The following DSCAM variants were observed in gnomAD, a reference collection of about 807,000 sequenced individuals.
The protein encoded by DSCAM is DS cell adhesion molecule, also known as cell adhesion molecule DSCAM.
In DSCAM, 47 loss-of-function variants were observed where a neutral mutation model predicts 217.7. That is an observed-to-expected ratio of 0.22 (90% CI 0.17 to 0.28). DSCAM has a LOEUF of 0.28. Ranked by LOEUF, DSCAM falls within the 10% of genes least tolerant of loss-of-function variation. DSCAM has a pLI of 1.00. For synonymous variants in DSCAM, 1,056 were observed against 1,015.3 expected (o/e 1.04, Z -0.76); for missense variants, 2,080 against 2,618.3 (o/e 0.79, Z 4.49).
chr21:40,374,194 C>T (rs993615107), intron 3 of DSCAM, among the ~76,000 whole-genome samples: 1 of 152,044 alleles, frequency 6.6e-6, no homozygotes, highest in African/African-American at 2.4e-5. Flanking sequence ...ATGTATATAA[C>T]TTTTCAATTG....
At position 40,169,145 on chromosome 21, in the gene DSCAM, G is replaced by C. The variant is rs73362182; in HGVS notation, c.2948-1857C>G. 2.0e-5 allele frequency among the ~76,000 whole-genome samples: 3 copies of C among 152,112 alleles called. No homozygotes were observed. The East Asian group carries it at 5.8e-4, about 29-fold the overall frequency. On this transcript the variant is annotated intron_variant, in intron 15 of 32. Transcript: ENST00000400454. The stretch of plus-strand genomic sequence containing the variant: ...CAGGCTATGGAGTGAGTGGGGCAAA[G>C]GAACAAATACCTCTGGGATGGGAGG...
At chr21:40,634,693 G>A (rs1034916922) in intron 3 of DSCAM, among the ~76,000 whole-genome samples, 5 of 152,170 alleles carry the variant, frequency 3.3e-5, no homozygotes, top group African/African-American at 4.8e-5. Context: ...AGAAATGTGT[G>A]AACTTCAGTG....
intron 11 of DSCAM, among the ~76,000 whole-genome samples, chr21:40,206,261 G>A (rs1044934979): frequency 1.3e-5 from 2 of 152,334 alleles, no homozygotes; most frequent in South Asian, 2.1e-4. Flanking sequence ...CTAATGACAG[G>A]AACAGGATGT....
intron 3 of DSCAM, among the ~76,000 whole-genome samples, chr21:40,609,498 G>A (rs1303912104): frequency 6.6e-6 from 1 of 152,118 alleles, no homozygotes; most frequent in East Asian, 1.9e-4. Flanking sequence ...ATGATACCTG[G>A]GCTAGGGTTA....
chr21:40,312,228 C>G lies in DSCAM; in HGVS notation c.1915G>C (p.Gly639Arg). 1 of 1,614,114 alleles carries G rather than the reference C, an allele frequency of 6.2e-7. No homozygotes were observed. The highest frequency in any genetic ancestry group is 8.5e-7 in the Non-Finnish European group (1 of 1,180,016). The stretch of plus-strand genomic sequence containing the variant: ...TTGTCAATGGTCACCCCAAGGCTCC[C>G]AGGGATTGGCCGGCCATCCTTCTGC... ...TWQKDGRPIP[G>R]SLGVTIDNID... Residue 639 changes from glycine to arginine, a missense_variant, in exon 9 of 33, where the codon GGG becomes CGG. Coordinates refer to ENST00000400454, the MANE Select transcript of DSCAM (RefSeq NM_001389.5).
intron 3 of DSCAM, among the ~76,000 whole-genome samples, chr21:40,569,689 A>G (rs2076791494): frequency 6.6e-6 from 1 of 152,116 alleles, no homozygotes; most frequent in Admixed American, 6.5e-5. Context: ...CCTGTGGTGG[A>G]CCCTGACTGA....
intron 3 of DSCAM, among the ~76,000 whole-genome samples, chr21:40,591,349 A>C (rs2076983237): frequency 3.9e-5 from 6 of 152,228 alleles, no homozygotes; most frequent in Admixed American, 3.9e-4. Flanking sequence ...TGGGAATTCC[A>C]AGATCAAAAT....
intron 32 of DSCAM, among the ~76,000 whole-genome samples, chr21:40,018,088 C>T (rs1475065971): frequency 2.0e-5 from 3 of 152,028 alleles, no homozygotes; most frequent in Non-Finnish European, 2.9e-5. Context: ...TACTAATGTT[C>T]GTTTATGGTA....
chr21:40,494,435 G>A (rs1223711265), intron 3 of DSCAM, among the ~76,000 whole-genome samples: 1 of 151,974 alleles, frequency 6.6e-6, no homozygotes, highest in East Asian at 1.9e-4. Flanking sequence ...ATCAATAACA[G>A]GAGAAATTTT....
At chr21:40,176,928 G>A (rs562989889) in intron 15 of DSCAM, among the ~76,000 whole-genome samples, 80 of 152,340 alleles carry the variant, frequency 5.3e-4, no homozygotes, top group Admixed American at 1.9e-3. Context: ...CAGAGGAAAC[G>A]AAGAAAAAAG....
rs531379962 is a variant in DSCAM at position 40,561,138 on chromosome 21, G to C, written c.508+131672C>G. On this transcript the variant is annotated intron_variant, in intron 3 of 32. Transcript: ENST00000400454. ...TTAAATAGCATAGTGTATTTGGTAAGAGCATAGGCTTTCGATTGATAAGGA... is the reference window on the plus strand; with the variant it reads ...TTAAATAGCATAGTGTATTTGGTAACAGCATAGGCTTTCGATTGATAAGGA... 8.5e-5 allele frequency among the ~76,000 whole-genome samples: 13 copies of C among 152,306 alleles called. 1 individual carries two copies. The highest frequency in any genetic ancestry group is 3.4e-3 in the Middle Eastern group (1 of 294).
chr21:40,183,338 G>A (rs992844945), intron 14 of DSCAM, among the ~76,000 whole-genome samples: 4 of 152,182 alleles, frequency 2.6e-5, no homozygotes, highest in South Asian at 2.1e-4. Flanking sequence ...CAGAAAATAT[G>A]GCAACCAAGG....
At chr21:40,498,070 A>C (rs1385907596) in intron 3 of DSCAM, among the ~76,000 whole-genome samples, 1 of 152,184 alleles carries the variant, frequency 6.6e-6, no homozygotes, top group African/African-American at 2.4e-5. Context: ...AAATCTGCAC[A>C]TGTCATAACC....
intron 1 of DSCAM, among the ~76,000 whole-genome samples, chr21:40,764,758 T>C (rs1305906517): frequency 6.6e-6 from 1 of 151,728 alleles, no homozygotes; most frequent in Admixed American, 6.6e-5. Flanking sequence ...CACCATGGAA[T>C]ACTATGCAGC....
At chr21:40,759,223 C>T (rs965483494) in intron 1 of DSCAM, among the ~76,000 whole-genome samples, 4 of 152,072 alleles carry the variant, frequency 2.6e-5, no homozygotes, top group Non-Finnish European at 4.4e-5. Context: ...ATTCCACAGT[C>T]CCCAGGCTCT....
rs77209364 is a variant in DSCAM at position 40,385,627 on chromosome 21, C to A, written c.509-16382G>T. The stretch of plus-strand genomic sequence containing the variant: ...TGGGATTCTCTGAAATGCTATGTGA[C>A]TTCTTAAGGGCTTGGCACATGCTGT... On this transcript the variant is annotated intron_variant, in intron 3 of 32. Transcript: ENST00000400454. Among the ~76,000 whole-genome samples, 484 of 152,242 alleles carry A rather than the reference C, an allele frequency of 3.2e-3. 1 individual carries two copies. Among genetic ancestry groups the A allele is most frequent in the African/African-American group, 0.01 (434 of 41,544 alleles).
chr21:40,439,136 T>C (rs1346244353), intron 3 of DSCAM, among the ~76,000 whole-genome samples: 1 of 152,198 alleles, frequency 6.6e-6, no homozygotes, highest in African/African-American at 2.4e-5. Context: ...ATTTCCAAAA[T>C]GGGAATATTA....
chr21:40,154,055 A>G (rs2090451017), intron 16 of DSCAM, among the ~76,000 whole-genome samples: 1 of 152,148 alleles, frequency 6.6e-6, no homozygotes, highest in Non-Finnish European at 1.5e-5. Context: ...TGTGAGAACC[A>G]GCTGGCTATC....
chr21:40,575,465 G>T (rs2076842586), intron 3 of DSCAM, among the ~76,000 whole-genome samples: 1 of 134,930 alleles, frequency 7.4e-6, no homozygotes, highest in African/African-American at 2.8e-5. Context: ...TAGATTACGG[G>T]AATAGAATAG....
Sources: gnomAD v4.1 joint callset for allele counts (sites outside exome capture counted in the v4.1 genomes callset) on GRCh38, gnomAD v4.1.1 for gene constraint, MANE v1.5 for transcripts, NCBI Gene and HGNC (gene_info 2026-07-23, HGNC 2026-07-21) for gene names.